AK9: variants seen among roughly 807,000 people sequenced by gnomAD.
AK9 encodes adenylate kinase 9, also known as adenylate kinase domain containing 1.
Under a neutral mutation model 239.6 loss-of-function variants are expected in AK9, and 191 were observed. That is an observed-to-expected ratio of 0.80 (90% CI 0.71 to 0.90). The LOEUF (loss-of-function observed/expected upper bound fraction) is 0.90, where lower values mean the gene tolerates loss of function less well. Among genes scored for constraint, AK9 ranks in the 40% least tolerant of loss-of-function variants. AK9 has a pLI of 0.00. For missense variants in AK9, 1,995 were observed against 2,214.7 expected (o/e 0.90, Z 1.99); for synonymous variants, 689 against 721.0 (o/e 0.96, Z 0.71).
At chr6:109,632,289 A>G in intron 12 of AK9, 1 of 985,612 alleles carries the variant, frequency 1.0e-6, no homozygotes, top group Non-Finnish European at 1.2e-6. Context: ...TTTAGCCATG[A>G]TCTTGTGCCA....
intron 37 of AK9, 69 bp downstream of exon 37, chr6:109,497,724 TAAG>T: frequency 6.5e-7 from 1 of 1,530,570 alleles, no homozygotes; most frequent in Non-Finnish European, 8.9e-7. Flanking sequence ...ACCAATATGT[TAAG>T]ATTATTACAT....
intron 24 of AK9, among the ~76,000 whole-genome samples, chr6:109,554,204 G>A (rs1749920726): frequency 6.6e-6 from 1 of 152,104 alleles, no homozygotes; most frequent in African/African-American, 2.4e-5. Context: ...TCAGGCTGAT[G>A]CTTCATAAAA....
intron 5 of AK9, among the ~76,000 whole-genome samples, chr6:109,663,001 G>A (rs1562575669): frequency 2.0e-5 from 3 of 151,968 alleles, no homozygotes; most frequent in Admixed American, 6.6e-5. Flanking sequence ...CATATGAATG[G>A]TAAAGGTATA....
intron 17 of AK9, among the ~76,000 whole-genome samples, chr6:109,598,229 C>T (rs574072485): frequency 7.0e-6 from 1 of 143,770 alleles, no homozygotes; most frequent in Non-Finnish European, 1.5e-5. Flanking sequence ...CCCCCTCCCC[C>T]CACCCCACAA....
chr6:109,514,637 A>G (rs1224629681), intron 31 of AK9, among the ~76,000 whole-genome samples, 200 bp from the exon 32 acceptor site: 2 of 152,210 alleles, frequency 1.3e-5, no homozygotes, highest in East Asian at 1.9e-4. Flanking sequence ...AATGAATGCA[A>G]TAGTTCTTAA....
At chr6:109,642,863 G>A (rs1294479551) in intron 9 of AK9, among the ~76,000 whole-genome samples, 1 of 152,144 alleles carries the variant, frequency 6.6e-6, no homozygotes, top group Non-Finnish European at 1.5e-5. Flanking sequence ...AAAAACAGCA[G>A]TTGAGCAGCC....
intron 1 of AK9, among the ~76,000 whole-genome samples, 163 bp downstream of exon 1, chr6:109,690,984 G>A (rs578084773): frequency 2.0e-5 from 3 of 152,328 alleles, no homozygotes; most frequent in South Asian, 4.1e-4. Flanking sequence ...GGCCGCAGCA[G>A]GCAGGGAAAA....
intron 21 of AK9, among the ~76,000 whole-genome samples, chr6:109,566,956 A>G (rs1786620467): frequency 6.6e-6 from 1 of 152,214 alleles, no homozygotes; most frequent in African/African-American, 2.4e-5. Flanking sequence ...TTATAACACT[A>G]AATGCCCACA....
chr6:109,546,034 T>G lies in AK9; in HGVS notation c.3058A>C (p.Ile1020Leu), dbSNP rs1458368044. 6.2e-7 allele frequency: 1 copy of G among 1,613,702 alleles called. No individual in the cohort carries two copies. Among genetic ancestry groups the G allele is most frequent in the East Asian group, 2.2e-5 (1 of 44,874 alleles). ...QLAEKLNIFHIQFEEVLQEKL... is the reference protein window; with the variant it reads ...QLAEKLNIFHLQFEEVLQEKL... Reference sequence around the variant, plus strand: ...TCTTGAAGAACTTCTTCAAACTGAATGTGAAAAATGTTTAATTTTTCTGCC... The same window carrying G: ...TCTTGAAGAACTTCTTCAAACTGAAGGTGAAAAATGTTTAATTTTTCTGCC... The change falls in exon 26 of 41, where the codon ATT (isoleucine) becomes CTT (leucine). Residue 1020 changes from isoleucine (I) to leucine (L), a missense_variant. Physicochemically the swap from Ile to Leu is conservative, Grantham distance 5. This residue lies in a region of AK9 where 1,290 missense variants were observed against 1,392.7 expected (regional missense o/e 0.93). Transcript: ENST00000424296.
At position 109,493,571 on chromosome 6, in the gene AK9, G is replaced by A; in HGVS notation, c.5534C>T (p.Ala1845Val). The A allele has an allele frequency of 1.9e-6, 3 of 1,610,962 alleles. No individual in the cohort carries two copies. The highest frequency in any genetic ancestry group is 2.5e-6 in the Non-Finnish European group (3 of 1,178,610). Residue 1845 changes from alanine to valine, a missense_variant and splice_region_variant, in exon 41 of 41, where the codon GCA (alanine) becomes GTA (valine). This residue lies in a region of AK9 where 391 missense variants were observed against 456.0 expected (regional missense o/e 0.86). Transcript: ENST00000424296. Reference sequence around the variant, plus strand: ...GTATTCGGAACCTTTGGGATTAAATGCTGTAGAAAATTTCACAGAACTGTG... The same window carrying A: ...GTATTCGGAACCTTTGGGATTAAATACTGTAGAAAATTTCACAGAACTGTG... ...ALLYIALHLK[A>V]FNPKGSEYTR... is the part of the protein sequence containing the mutation.
chr6:109,625,225 A>G (rs980342741), intron 12 of AK9, among the ~76,000 whole-genome samples: 5 of 152,168 alleles, frequency 3.3e-5, no homozygotes, highest in African/African-American at 9.7e-5. Context: ...AGTGTCTTTT[A>G]TCCGAAAATG....
At chr6:109,538,736 C>G (rs1782391127) in intron 27 of AK9, among the ~76,000 whole-genome samples, 1 of 152,178 alleles carries the variant, frequency 6.6e-6, no homozygotes, top group African/African-American at 2.4e-5. Flanking sequence ...TTTGCAGTGG[C>G]TGGTACCGGT....
chr6:109,690,038 T>C (rs1278867150), intron 1 of AK9, among the ~76,000 whole-genome samples: 2 of 152,242 alleles, frequency 1.3e-5, no homozygotes, highest in African/African-American at 4.8e-5. Context: ...AGTATTTCTT[T>C]ACAATTTTTG....
chr6:109,660,747 G>T (rs1005168893), intron 6 of AK9, among the ~76,000 whole-genome samples: 1 of 152,144 alleles, frequency 6.6e-6, no homozygotes, highest in East Asian at 1.9e-4. Flanking sequence ...CAGAGCAGAA[G>T]TGCTCAGTGT....
chr6:109,668,146 G>A (rs1009008581), intron 5 of AK9, among the ~76,000 whole-genome samples: 5 of 152,156 alleles, frequency 3.3e-5, no homozygotes, highest in African/African-American at 7.2e-5. Context: ...TTTCTTGGAC[G>A]GCCAGTGATG....
chr6:109,598,986 A>G (rs1791498618), intron 17 of AK9, among the ~76,000 whole-genome samples: 1 of 152,082 alleles, frequency 6.6e-6, no homozygotes, highest in African/African-American at 2.4e-5. Flanking sequence ...CCTTTGTCAG[A>G]TGGGTAGATT....
At chr6:109,598,582 T>C (rs897582406) in intron 17 of AK9, among the ~76,000 whole-genome samples, 9 of 152,210 alleles carry the variant, frequency 5.9e-5, no homozygotes, top group African/African-American at 2.2e-4. Context: ...CCTCTGGGTA[T>C]ACACCCAGTA....
chr6:109,619,474 T>C (rs1209712406), intron 12 of AK9, among the ~76,000 whole-genome samples: 1 of 152,114 alleles, frequency 6.6e-6, no homozygotes. Context: ...ATTTATCATG[T>C]AGTATATATA....
intron 1 of AK9, among the ~76,000 whole-genome samples, chr6:109,681,842 G>A (rs547886737): frequency 4.6e-5 from 7 of 152,118 alleles, no homozygotes; most frequent in Non-Finnish European, 7.4e-5. Context: ...ATGACTACTG[G>A]GTAAATAATG....
Sources: allele counts gnomAD v4.1 joint callset (sites outside exome capture counted in the v4.1 genomes callset), GRCh38; gene constraint gnomAD v4.1.1; regional missense constraint gnomAD v4.1.1; transcripts MANE v1.5; gene names NCBI Gene and HGNC (gene_info 2026-07-23, HGNC 2026-07-21).